HDAC10: variants seen among roughly 807,000 people sequenced by gnomAD.
HDAC10 encodes polyamine deacetylase HDAC10.
Under a neutral mutation model 82.3 loss-of-function variants are expected in HDAC10, and 90 were observed. The observed-to-expected ratio is 1.09, with a 90% confidence interval of 0.92 to 1.30. The LOEUF (loss-of-function observed/expected upper bound fraction) is 1.30, where lower values mean the gene tolerates loss of function less well. Among genes scored for constraint, HDAC10 ranks in the 50% most tolerant of loss-of-function variants. The probability of loss-of-function intolerance (pLI) is 0.00; values close to 1 mark genes in which losing one functional copy is unlikely to be tolerated. For synonymous variants in HDAC10, 456 were observed against 391.7 expected, an observed-to-expected ratio of 1.16 and a Z score of -1.94; for missense variants, 934 against 876.3, an observed-to-expected ratio of 1.07 and a Z score of -0.83.
chr22:50,249,559 C>T lies in HDAC10; in HGVS notation c.563+76G>A. On this transcript the variant is annotated intron_variant, in intron 6 of 19. Coordinates refer to ENST00000216271, the MANE Select transcript of HDAC10 (RefSeq NM_032019.6). The surrounding 1 kb of genome is among the most constrained non-coding windows in gnomAD (Gnocchi z 4.4). ...CTGAGCACATGTCTGTATCTCACCC[C>T]TGGATTTTCCCAGGCCAGGCTGTGC... 6.2e-7 allele frequency: 1 copy of T among 1,607,296 alleles called. No homozygotes were observed. Among genetic ancestry groups the T allele is most frequent in the South Asian group, 1.1e-5 (1 of 90,938 alleles).
rs1358163648 is a variant in HDAC10 at position 50,250,790 on chromosome 22, C to T, written c.175G>A (p.Glu59Lys). The T allele has an allele frequency of 6.2e-7, 1 of 1,602,258 alleles. No homozygotes were observed. The highest frequency in any genetic ancestry group is 8.5e-7 in the Non-Finnish European group (1 of 1,175,664). ...RLSAREASEE[E>K]LGLVHSPEYV... ...CCTGACCTGTGCACCAGGCCCAGCT[C>T]CTCTTCCGAGGCCTCGCGGGCTGAC... The change falls in exon 2 of 20, where the codon GAG becomes AAG. Residue 59 changes from glutamate to lysine, a missense_variant. Transcript: ENST00000216271.
rs1833245765 is a variant in HDAC10 at position 50,248,492 on chromosome 22, A to G, written c.907-20T>C. The G allele has an allele frequency of 6.3e-7, 1 of 1,596,282 alleles. No individual in the cohort carries two copies. Among genetic ancestry groups the G allele is most frequent in the African/African-American group, 1.3e-5 (1 of 74,672 alleles). On this transcript the variant is annotated intron_variant, in intron 10 of 19. Coordinates refer to ENST00000216271, the MANE Select transcript of HDAC10 (RefSeq NM_032019.6). The surrounding 1 kb of genome is among the most constrained non-coding windows in gnomAD (Gnocchi z 5.4). ...GCCGCCCTGGGAGGAGGGTGGAGACATGATTGGGGCAGAGATATCACTGGG... is the reference window on the plus strand; with the variant it reads ...GCCGCCCTGGGAGGAGGGTGGAGACGTGATTGGGGCAGAGATATCACTGGG...
At position 50,249,007 on chromosome 22, in the gene HDAC10, A is replaced by G; in HGVS notation, c.756+96T>C. 1 of 1,425,794 alleles carries G rather than the reference A, an allele frequency of 7.0e-7. No individual in the cohort carries two copies. Among genetic ancestry groups the G allele is most frequent in the Non-Finnish European group, 9.7e-7 (1 of 1,031,218 alleles). 88.3% of individuals were successfully genotyped at this position (1,425,794 alleles called of 1,614,324 possible). The stretch of plus-strand genomic sequence containing the variant: ...CCTTCCCCAGCCACACAGGAGTGGG[A>G]CAGCTCATAACCCTCCTCCTGCCTT... On this transcript the variant is annotated intron_variant, in intron 8 of 19. Transcript: ENST00000216271. The surrounding 1 kb of genome is among the most constrained non-coding windows in gnomAD (Gnocchi z 4.4).
rs2064945908 is a variant in HDAC10, at chr22:50,246,355, G to A, written c.1593C>T (p.Ile531=). ...ATAGGGCAGCCGCCTCCTTGCCCCT[G>A]ATGTTCAGCCACAGACTCCTCCTTC... ...AHDGRSLWLN[I]RGKEAAALSM... is the part of the protein sequence containing the mutation. The change falls in exon 17 of 20, where the codon ATC becomes ATT. Residue 531 remains isoleucine (I), a synonymous_variant. Transcript: ENST00000216271. 6.2e-7 allele frequency: 1 copy of A among 1,612,706 alleles called. No individual in the cohort carries two copies. The highest frequency in any genetic ancestry group is 2.2e-5 in the East Asian group (1 of 44,886).
intron 2 of HDAC10, 97 bp from the exon 3 acceptor site, chr22:50,250,620 T>G: frequency 1.5e-6 from 2 of 1,306,072 alleles, no homozygotes; most frequent in East Asian, 4.8e-5. Flanking sequence ...GTGGCCACCC[T>G]GTCACTTCCT....
At chr22:50,247,836 C>T in intron 13 of HDAC10, 54 bp downstream of exon 13, 5 of 1,612,682 alleles carry the variant, frequency 3.1e-6, no homozygotes, top group Non-Finnish European at 4.2e-6. Context: ...CAGGCACACA[C>T]AGGCACAGGT....
At chr22:50,246,504 TG>T in intron 16 of HDAC10, 128 bp from the exon 17 acceptor site, 1 of 1,030,530 alleles carries the variant, frequency 9.7e-7, no homozygotes, top group Admixed American at 1.8e-5. Flanking sequence ...GCCTCTGTGC[TG>T]GAGACCCACC....
chr22:50,249,554 C>T lies in HDAC10; in HGVS notation c.563+81G>A. 6.2e-7 allele frequency: 1 copy of T among 1,606,828 alleles called. No individual in the cohort carries two copies. The highest frequency in any genetic ancestry group is 8.5e-7 in the Non-Finnish European group (1 of 1,175,318). On this transcript the variant is annotated intron_variant, in intron 6 of 19. Coordinates refer to ENST00000216271, the MANE Select transcript of HDAC10 (RefSeq NM_032019.6). This position sits in a 1 kb window ranked among gnomAD's most constrained non-coding sequence, Gnocchi z 4.4. ...GACCCCTGAGCACATGTCTGTATCT[C>T]ACCCCTGGATTTTCCCAGGCCAGGC...
At position 50,251,025 on chromosome 22, in the gene HDAC10, G is replaced by C; in HGVS notation, c.8C>G (p.Thr3Ser). MG[T>S]ALVYHEDMTA... is the part of the protein sequence containing the mutation. ...CATGTCCTCATGGTACACAAGCGCG[G>C]TCCCCATGGCTGCGCCGTGGTCACC... The change falls in exon 1 of 20, where the codon ACC becomes AGC. Residue 3 changes from threonine to serine, a missense_variant. Transcript: ENST00000216271. 1.2e-6 allele frequency: 2 copies of C among 1,611,378 alleles called. No homozygotes were observed. The highest frequency in any genetic ancestry group is 4.5e-5 in the East Asian group (2 of 44,798).
intron 14 of HDAC10, 39 bp downstream of exon 14, chr22:50,247,653 A>C (rs1351466275): frequency 9.6e-6 from 14 of 1,453,250 alleles, no homozygotes; most frequent in Non-Finnish European, 1.3e-5. Context: ...CCCTGCCCCT[A>C]GGTCCACAGC....
chr22:50,247,139 T>A, intron 14 of HDAC10, 173 bp from the exon 15 acceptor site: 2 of 319,942 alleles, frequency 6.3e-6, no homozygotes, highest in Non-Finnish European at 1.1e-5. Context: ...CGTCTATAAT[T>A]TTTTTTTTTT....
chr22:50,246,358 G>A lies in HDAC10; in HGVS notation c.1590C>T (p.Asn530=), dbSNP rs1275074110. The change falls in exon 17 of 20, where the codon AAC becomes AAT. Residue 530 remains asparagine, a synonymous_variant. Coordinates refer to ENST00000216271, the MANE Select transcript of HDAC10 (RefSeq NM_032019.6). ...LAHDGRSLWL[N]IRGKEAAALS... is the part of the protein sequence containing the mutation. ...GGGCAGCCGCCTCCTTGCCCCTGAT[G>A]TTCAGCCACAGACTCCTCCTTCCAG... The A allele has an allele frequency of 3.7e-6, 6 of 1,612,556 alleles. No individual in the cohort carries two copies. The highest frequency in any genetic ancestry group is 5.1e-6 in the Non-Finnish European group (6 of 1,179,912).
Position 50,249,654 on chromosome 22 carries a change from G to C in HDAC10, c.544C>G (p.Leu182Val). The change falls in exon 6 of 20, where the codon CTC (leucine) becomes GTC (valine). Residue 182 changes from leucine to valine, a missense_variant. By Grantham distance (32) the Leu-to-Val change is conservative. Transcript: ENST00000216271. This position sits in a 1 kb window ranked among gnomAD's most constrained non-coding sequence, Gnocchi z 4.4. The stretch of plus-strand genomic sequence containing the variant: ...GCTCACCTGGGGTCATCCTCAAAGA[G>C]ATACTGGATCCCCTGGCCATGGTGC... The part of the protein sequence containing the change: ...DVHHGQGIQY[L>V]FEDDPSVLYF... 1 of 1,612,930 alleles carries C rather than the reference G, an allele frequency of 6.2e-7. No individual in the cohort carries two copies. Among genetic ancestry groups the C allele is most frequent in the Non-Finnish European group, 8.5e-7 (1 of 1,179,984 alleles).
chr22:50,245,641 C>CA lies in HDAC10; in HGVS notation c.1986+33dup, dbSNP rs776681358. The CA allele has an allele frequency of 2.5e-6, 4 of 1,611,924 alleles. No homozygotes were observed. In the African/African-American group the frequency reaches 5.3e-5, roughly 22 times the overall value. On this transcript the variant is annotated intron_variant, in intron 19 of 19. Transcript: ENST00000216271. ...CGATCTGTGCGGCAGAGCCAGGCCC[C>CA]AGGGCAGGGCCATGCCTCCGCAGTC...
At position 50,247,736 on chromosome 22, in the gene HDAC10, G is replaced by A. The variant is rs1270097775; in HGVS notation, c.1378C>T (p.Leu460Phe). ...SLAREEALTALGKLLYLLDGM... is the reference protein window; with the variant it reads ...SLAREEALTAFGKLLYLLDGM... ...TCTAAGAGGTACAGGAGCTTCCCAA[G>A]TGCAGTGAGGGCCTCCTCCCGGGCC... Residue 460 changes from leucine (L) to phenylalanine (F), a missense_variant, in exon 14 of 20, where the codon CTT becomes TTT. Transcript: ENST00000216271. 1.2e-6 allele frequency: 2 copies of A among 1,603,032 alleles called. No individual in the cohort carries two copies.
chr22:50,246,145 G>C lies in HDAC10; in HGVS notation c.1651-53C>G, dbSNP rs2064939345. 9.0e-6 allele frequency: 14 copies of C among 1,560,894 alleles called. No homozygotes were observed. The South Asian group carries it at 1.7e-4, about 19-fold the overall frequency. ...CATCTACGGACACCTGCTGGCTCTG[G>C]CCTCCCAACCTCCCAATCTCAGGGC... On this transcript the variant is annotated intron_variant, in intron 17 of 19. Transcript: ENST00000216271.
chr22:50,251,004 T>G lies in HDAC10; in HGVS notation c.29A>C (p.Asp10Ala). 6.2e-7 allele frequency: 1 copy of G among 1,612,548 alleles called. No individual in the cohort carries two copies. The highest frequency in any genetic ancestry group is 8.5e-7 in the Non-Finnish European group (1 of 1,179,710). The change falls in exon 1 of 20, where the codon GAC (aspartate) becomes GCC (alanine). Residue 10 changes from aspartate to alanine, a missense_variant. By Grantham distance (126) the Asp-to-Ala change is moderately radical. Coordinates refer to ENST00000216271, the MANE Select transcript of HDAC10 (RefSeq NM_032019.6). ...CCAGAGCAGCCGGGTGGCCGTCATGTCCTCATGGTACACAAGCGCGGTCCC... is the reference window on the plus strand; with the variant it reads ...CCAGAGCAGCCGGGTGGCCGTCATGGCCTCATGGTACACAAGCGCGGTCCC... MGTALVYHE[D>A]MTATRLLWDD...
At position 50,249,159 on chromosome 22, in the gene HDAC10, C is replaced by T. The variant is rs1374453723; in HGVS notation, c.700G>A (p.Gly234Arg). The T allele has an allele frequency of 6.2e-7, 1 of 1,604,174 alleles. No homozygotes were observed. Residue 234 changes from glycine (G) to arginine (R), a missense_variant, in exon 8 of 20, where the codon GGA (glycine) becomes AGA (arginine). Physicochemically the swap from Gly to Arg is moderately radical, Grantham distance 125. Coordinates refer to ENST00000216271, the MANE Select transcript of HDAC10 (RefSeq NM_032019.6). The surrounding 1 kb of genome is among the most constrained non-coding windows in gnomAD (Gnocchi z 4.4). The part of the protein sequence containing the change: ...VNLPWNQVGM[G>R]NADYVAAFLH... ...AAGGCAGCCACGTAGTCAGCGTTTC[C>T]CATCCCAACCTGGCAGGACATCCCA...
At position 50,245,950 on chromosome 22, in the gene HDAC10, C is replaced by T. The variant is rs981097705; in HGVS notation, c.1793G>A (p.Arg598Gln). 6.2e-6 allele frequency: 10 copies of T among 1,600,176 alleles called. No homozygotes were observed. The highest frequency in any genetic ancestry group is 2.3e-5 in the East Asian group (1 of 44,080). Residue 598 changes from arginine (R) to glutamine (Q), a missense_variant, in exon 18 of 20, where the codon CGG becomes CAG. Transcript: ENST00000216271. ...PHAALLAAML[R>Q]GLAGGRVLAL... is the part of the protein sequence containing the mutation. ...CAGGACTCGGCCCCCTGCCAGCCCC[C>T]GAAGCATTGCAGCCAGGAGTGCAGC...
Sources: gnomAD v4.1 joint callset for allele counts on GRCh38, gnomAD v4.1.1 for gene constraint, Gnocchi (gnomAD v3.1) non-coding constraint, MANE v1.5 for transcripts, NCBI Gene and HGNC (gene_info 2026-07-23, HGNC 2026-07-21) for gene names.